SMYD3: variants seen among roughly 807,000 people sequenced by gnomAD.
SMYD3 encodes histone-lysine N-methyltransferase SMYD3.
A neutral mutation model predicts 57.7 loss-of-function variants in SMYD3; 36 were observed. The ratio of observed to expected loss-of-function variants is 0.62; its 90% confidence interval spans 0.48 to 0.82. The LOEUF (loss-of-function observed/expected upper bound fraction) is 0.82. SMYD3 is among the 40% of genes least tolerant of loss of function. SMYD3 has a pLI of 0.00. For synonymous variants in SMYD3, 211 were observed against 195.0 expected (o/e 1.08, Z -0.68); for missense variants, 515 against 538.8 (o/e 0.96, Z 0.44).
chr1:245,980,506 G>T (rs563554320), intron 5 of SMYD3, among the ~76,000 whole-genome samples: 1 of 152,304 alleles, frequency 6.6e-6, no homozygotes, highest in South Asian at 2.1e-4. Flanking sequence ...ATGGGAGCAG[G>T]AATTAAATGC....
At chr1:246,240,459 T>C (rs1393255994) in intron 5 of SMYD3, among the ~76,000 whole-genome samples, 1 of 152,200 alleles carries the variant, frequency 6.6e-6, no homozygotes, top group Non-Finnish European at 1.5e-5. Flanking sequence ...TATCTCTGTT[T>C]TGGTACCAGG....
chr1:245,808,318 C>A (rs765580432), intron 10 of SMYD3, among the ~76,000 whole-genome samples: 2 of 152,204 alleles, frequency 1.3e-5, no homozygotes, highest in Non-Finnish European at 2.9e-5. Flanking sequence ...CACACATACA[C>A]AAACCTGGGC....
rs145355655 is a variant in SMYD3 at position 246,089,283 on chromosome 1, G to A, written c.532-159346C>T. Among the ~76,000 whole-genome samples the A allele has an allele frequency of 1.6e-4, 24 of 152,068 alleles. No homozygotes were observed. The East Asian group carries it at 4.7e-3, about 30-fold the overall frequency. On this transcript the variant is annotated intron_variant, in intron 5 of 11. Transcript: ENST00000490107. ...TGTGAGCCACTAAGCCCAGCCACTCGACCCTACTTTTAGAAAATTCAATAC... is the reference window on the plus strand; with the variant it reads ...TGTGAGCCACTAAGCCCAGCCACTCAACCCTACTTTTAGAAAATTCAATAC...
chr1:246,038,975 G>GA (rs1042693569), intron 5 of SMYD3, among the ~76,000 whole-genome samples: 4 of 152,126 alleles, frequency 2.6e-5, no homozygotes, highest in African/African-American at 9.7e-5. Flanking sequence ...GAAAGGATGG[G>GA]AAAAAGAACA....
chr1:246,192,030 C>T (rs966825544), intron 5 of SMYD3, among the ~76,000 whole-genome samples: 2 of 152,210 alleles, frequency 1.3e-5, no homozygotes, highest in African/African-American at 2.4e-5. Flanking sequence ...AAGAATCATA[C>T]ATTGAAGATC....
chr1:245,966,236 A>G (rs1168186276), intron 5 of SMYD3, among the ~76,000 whole-genome samples: 1 of 152,152 alleles, frequency 6.6e-6, no homozygotes, highest in East Asian at 1.9e-4. Context: ...CAGTGGTGCC[A>G]TCACAGCCAA....
chr1:245,849,976 AG>A (rs2050879057), intron 10 of SMYD3, among the ~76,000 whole-genome samples: 2 of 129,462 alleles, frequency 1.5e-5, no homozygotes, highest in African/African-American at 5.3e-5. Context: ...GATGACAGAG[AG>A]AAAAGGTATG....
intron 5 of SMYD3, among the ~76,000 whole-genome samples, chr1:246,122,247 A>C (rs1387094815): frequency 1.3e-5 from 2 of 151,916 alleles, no homozygotes; most frequent in Non-Finnish European, 2.9e-5. Flanking sequence ...CCATCTCTAC[A>C]AAAAAATTTA....
chr1:246,397,992 G>A (rs2066702717), intron 1 of SMYD3, among the ~76,000 whole-genome samples: 1 of 151,894 alleles, frequency 6.6e-6, no homozygotes, highest in African/African-American at 2.4e-5. Flanking sequence ...AACAAGACTG[G>A]TTGAGTCCTG....
chr1:246,299,461 C>A (rs1220417013), intron 5 of SMYD3, among the ~76,000 whole-genome samples: 1 of 152,060 alleles, frequency 6.6e-6, no homozygotes, highest in Non-Finnish European at 1.5e-5. Context: ...ACAAACAGAG[C>A]CACCATTTGA....
intron 1 of SMYD3, among the ~76,000 whole-genome samples, chr1:246,493,549 G>A (rs939430603): frequency 6.6e-6 from 1 of 152,160 alleles, no homozygotes; most frequent in Admixed American, 6.6e-5. Flanking sequence ...CCAATCCTGA[G>A]AAGCTTTTTC....
At chr1:245,836,388 C>T (rs2050108515) in intron 10 of SMYD3, among the ~76,000 whole-genome samples, 1 of 152,210 alleles carries the variant, frequency 6.6e-6, no homozygotes, top group South Asian at 2.1e-4. Flanking sequence ...ACTGACCATG[C>T]ACTCACAATA....
rs559727511 is a variant in SMYD3, at chr1:246,462,387, C to T, written c.164+44667G>A. Among the ~76,000 whole-genome samples, 118 of 152,286 alleles carry T rather than the reference C, an allele frequency of 7.7e-4. 2 individuals are homozygous for T. In the South Asian group the frequency reaches 8.9e-3, roughly 12 times the overall value. ...GAGAACTGTGCTCCACAGTGATCAG[C>T]GGTACCCCCATCCTTGGACCTGCCT... On this transcript the variant is annotated intron_variant, in intron 1 of 11. Transcript: ENST00000490107.
At chr1:246,237,466 G>A (rs1224726327) in intron 5 of SMYD3, among the ~76,000 whole-genome samples, 1 of 152,166 alleles carries the variant, frequency 6.6e-6, no homozygotes, top group African/African-American at 2.4e-5. Flanking sequence ...ATTCAAGGGG[G>A]AAAGCTAAAA....
chr1:245,953,936 CAAT>C (rs1229743008), intron 5 of SMYD3, among the ~76,000 whole-genome samples: 2 of 152,308 alleles, frequency 1.3e-5, no homozygotes, highest in Middle Eastern at 3.4e-3. Flanking sequence ...AGATTTTCAA[CAAT>C]GATTATTTTA....
intron 5 of SMYD3, among the ~76,000 whole-genome samples, chr1:246,195,004 C>T (rs146811213): frequency 6.6e-5 from 10 of 152,344 alleles, no homozygotes; most frequent in African/African-American, 2.2e-4. Flanking sequence ...CTACGCTATA[C>T]TTGGCCTACT....
At chr1:246,106,568 A>G (rs2061125988) in intron 5 of SMYD3, among the ~76,000 whole-genome samples, 1 of 152,194 alleles carries the variant, frequency 6.6e-6, no homozygotes, top group South Asian at 2.1e-4. Context: ...AGAGAAGACC[A>G]TTAACTTTCT....
At chr1:246,460,041 C>T (rs933277381) in intron 1 of SMYD3, among the ~76,000 whole-genome samples, 2 of 151,678 alleles carry the variant, frequency 1.3e-5, no homozygotes, top group Admixed American at 6.6e-5. Flanking sequence ...AATCACAAGA[C>T]ACACCCCTAC....
At chr1:246,341,088 T>C (rs1253705343) in intron 2 of SMYD3, among the ~76,000 whole-genome samples, 6 of 152,228 alleles carry the variant, frequency 3.9e-5, no homozygotes, top group African/African-American at 1.4e-4. Flanking sequence ...TTTTTGTCTT[T>C]CTCTTTATAG....
Sources: gnomAD v4.1 joint callset for allele counts (sites outside exome capture counted in the v4.1 genomes callset) on GRCh38, gnomAD v4.1.1 for gene constraint, MANE v1.5 for transcripts, NCBI Gene and HGNC (gene_info 2026-07-23, HGNC 2026-07-21) for gene names.